Variants in EPHA6 observed in about 807,000 individuals in gnomAD.
The protein encoded by EPHA6 is ephrin type-A receptor 6.
Under a neutral mutation model 112.0 loss-of-function variants are expected in EPHA6, and 50 were observed. The observed-to-expected ratio is 0.45, with a 90% CI of 0.36 to 0.56. The LOEUF is 0.56. Ranked by LOEUF, EPHA6 falls within the 20% of genes least tolerant of loss-of-function variation. EPHA6 has a pLI of 0.00. For missense variants in EPHA6, 1,280 were observed against 1,417.4 expected, an observed-to-expected ratio of 0.90 and a Z score of 1.56; for synonymous variants, 529 against 490.7, an observed-to-expected ratio of 1.08 and a Z score of -1.03.
chr3:97,447,504 CTTTTG>C (rs2090386330), intron 6 of EPHA6, among the ~76,000 whole-genome samples: 2 of 152,116 alleles, frequency 1.3e-5, no homozygotes, highest in Non-Finnish European at 2.9e-5. Flanking sequence ...TGACCTATGA[CTTTTG>C]TTTACACAAA....
chr3:97,034,129 G>T (rs149160229), intron 3 of EPHA6, among the ~76,000 whole-genome samples: 1,551 of 151,952 alleles, frequency 0.01, 25 homozygotes, highest in African/African-American at 0.035. Context: ...GAACTTTAGG[G>T]AAAAAGAAAC....
At chr3:97,701,940 C>T (rs2033418207) in intron 14 of EPHA6, among the ~76,000 whole-genome samples, 1 of 152,052 alleles carries the variant, frequency 6.6e-6, no homozygotes, top group African/African-American at 2.4e-5. Context: ...TCTACATTTC[C>T]ATTTAAATGT....
At chr3:97,269,893 T>C (rs957755498) in intron 5 of EPHA6, among the ~76,000 whole-genome samples, 2 of 152,228 alleles carry the variant, frequency 1.3e-5, no homozygotes, top group Non-Finnish European at 2.9e-5. Flanking sequence ...GTTGAAGTAA[T>C]AGAAGAAACT....
intron 14 of EPHA6, 103 bp from the exon 15 acceptor site, chr3:97,720,158 A>T (rs2034461612): frequency 2.1e-6 from 2 of 964,176 alleles, no homozygotes; most frequent in Non-Finnish European, 2.8e-6. Flanking sequence ...CAGTGCTATT[A>T]TGAAGTATTT....
chr3:97,553,108 A>G (rs1488915257), intron 11 of EPHA6, among the ~76,000 whole-genome samples: 1 of 152,100 alleles, frequency 6.6e-6, no homozygotes, highest in Non-Finnish European at 1.5e-5. Flanking sequence ...TCTTTATACA[A>G]AAAGTTTTGC....
chr3:96,821,233 A>G (rs1462755983), intron 1 of EPHA6, among the ~76,000 whole-genome samples: 1 of 151,946 alleles, frequency 6.6e-6, no homozygotes, highest in African/African-American at 2.4e-5. Flanking sequence ...ACTACATGAA[A>G]ATAATTATTA....
chr3:97,387,068 C>T (rs1207413155), intron 5 of EPHA6, among the ~76,000 whole-genome samples: 1 of 152,232 alleles, frequency 6.6e-6, no homozygotes, highest in East Asian at 1.9e-4. Context: ...ACCTGGCCCA[C>T]AAAACCATTC....
intron 3 of EPHA6, among the ~76,000 whole-genome samples, chr3:97,203,766 T>C (rs938422694): frequency 6.6e-6 from 1 of 152,172 alleles, no homozygotes; most frequent in East Asian, 1.9e-4. Context: ...GTCTCCTCAT[T>C]TGTAAAAGAA....
At chr3:97,384,243 T>C (rs898495872) in intron 5 of EPHA6, among the ~76,000 whole-genome samples, 2 of 152,176 alleles carry the variant, frequency 1.3e-5, no homozygotes, top group African/African-American at 2.4e-5. Flanking sequence ...CCTCACAACC[T>C]GAATGTTGGA....
intron 3 of EPHA6, among the ~76,000 whole-genome samples, chr3:97,145,177 A>G (rs2076009370): frequency 6.6e-6 from 1 of 151,498 alleles, no homozygotes; most frequent in Non-Finnish European, 1.5e-5. Flanking sequence ...TTATTTTACT[A>G]TGTATATTAA....
At chr3:96,940,342 C>T (rs1480998605) in intron 2 of EPHA6, among the ~76,000 whole-genome samples, 5 of 152,188 alleles carry the variant, frequency 3.3e-5, no homozygotes, top group Non-Finnish European at 7.3e-5. Context: ...GATCCCTTTA[C>T]CATTATGTAA....
chr3:97,161,127 T>G (rs1256514124), intron 3 of EPHA6, among the ~76,000 whole-genome samples: 1 of 152,174 alleles, frequency 6.6e-6, no homozygotes, highest in Non-Finnish European at 1.5e-5. Context: ...TGCCCAACTT[T>G]ATGGCTTCAT....
chr3:96,965,526 T>C (rs1479062917), intron 2 of EPHA6, among the ~76,000 whole-genome samples: 2 of 152,144 alleles, frequency 1.3e-5, no homozygotes, highest in Non-Finnish European at 2.9e-5. Context: ...AGCTATCTTG[T>C]TATTATCCAT....
At position 96,814,958 on chromosome 3, in the gene EPHA6, C is replaced by T. The variant is rs761648098; in HGVS notation, c.335C>T (p.Pro112Leu). The T allele has an allele frequency of 6.7e-5, 104 of 1,548,300 alleles. No homozygotes were observed. The highest frequency in any genetic ancestry group is 8.7e-5 in the Non-Finnish European group (100 of 1,144,762). ...EFLLQFGFFL[P>L]LLTAWPGDCS... ...CTTTTGCAATTTGGTTTCTTCTTGC[C>T]TCTGCTGACAGCGTGGCCAGGCGAC... The change falls in exon 1 of 18, where the codon CCT becomes CTT. Residue 112 changes from proline (P) to leucine (L), a missense_variant. Coordinates refer to ENST00000389672, the MANE Select transcript of EPHA6 (RefSeq NM_001080448.3).
At chr3:96,968,408 A>T (rs1171205589) in intron 2 of EPHA6, among the ~76,000 whole-genome samples, 1 of 151,660 alleles carries the variant, frequency 6.6e-6, no homozygotes, top group East Asian at 1.9e-4. Flanking sequence ...ACACACACAC[A>T]CACACACATT....
chr3:97,749,011 TA>T lies in EPHA6; in HGVS notation c.*317del. Reference sequence around the variant, plus strand: ...ATGGGAAGTGTTCACGGACTTAACCTAAAAAAATTTATCCAGGTGGGGCTTC... The same window carrying T: ...ATGGGAAGTGTTCACGGACTTAACCTAAAAAATTTATCCAGGTGGGGCTTC... On this transcript the variant is annotated 3_prime_UTR_variant, in exon 18 of 18. Transcript: ENST00000389672. The T allele has an allele frequency of 9.4e-6, 3 of 318,640 alleles. No individual in the cohort carries two copies. The highest frequency in any genetic ancestry group is 1.8e-5 in the Non-Finnish European group (3 of 167,282). The allele number at this position is 318,640 out of a possible 1,614,324, so 19.7% of individuals were successfully genotyped here. A position where few individuals can be genotyped will look rare whatever the true frequency, so the allele number is the denominator to read the frequency against.
At chr3:97,499,812 CAGTG>C (rs1560073950) in intron 10 of EPHA6, among the ~76,000 whole-genome samples, 2 of 152,136 alleles carry the variant, frequency 1.3e-5, no homozygotes, top group East Asian at 1.9e-4. Context: ...CTGGATAAGT[CAGTG>C]AGTGAGTAAG....
intron 13 of EPHA6, among the ~76,000 whole-genome samples, chr3:97,626,864 C>T (rs2093861457): frequency 6.6e-6 from 1 of 151,740 alleles, no homozygotes; most frequent in Middle Eastern, 3.2e-3. Flanking sequence ...CACCATAATA[C>T]TAGGTTGATG....
intron 2 of EPHA6, among the ~76,000 whole-genome samples, chr3:96,932,399 A>C (rs1419967280): frequency 6.6e-6 from 1 of 152,202 alleles, no homozygotes; most frequent in Non-Finnish European, 1.5e-5. Flanking sequence ...AAAACACAGA[A>C]TGTACTTCAA....
Sources: gnomAD v4.1 joint callset for allele counts (sites outside exome capture counted in the v4.1 genomes callset) on GRCh38, gnomAD v4.1.1 for gene constraint, MANE v1.5 for transcripts, NCBI Gene and HGNC (gene_info 2026-07-23, HGNC 2026-07-21) for gene names.